The following COLQ variants were observed in gnomAD, a reference collection of about 807,000 sequenced individuals.
COLQ encodes the protein collagen like tail subunit of asymmetric acetylcholinesterase, also known as acetylcholinesterase collagenic tail peptide.
COLQ carries 48 observed loss-of-function variants against 69.0 expected under a neutral mutation model. The ratio of observed to expected loss-of-function variants is 0.70; its 90% CI spans 0.55 to 0.88. The LOEUF (loss-of-function observed/expected upper bound fraction) is 0.88. Ranked by LOEUF, COLQ falls within the 40% of genes least tolerant of loss-of-function variation. COLQ has a pLI of 0.00. For synonymous variants in COLQ, 217 were observed against 211.2 expected, an observed-to-expected ratio of 1.03 and a Z score of -0.24; for missense variants, 618 against 594.6, an observed-to-expected ratio of 1.04 and a Z score of -0.41.
At chr3:15,510,102 G>A (rs188282752) in intron 1 of COLQ, among the ~76,000 whole-genome samples, 7 of 152,218 alleles carry the variant, frequency 4.6e-5, no homozygotes, top group Non-Finnish European at 8.8e-5. Context: ...CGTGAGCCCC[G>A]GAGGCAGAGC....
intron 10 of COLQ, among the ~76,000 whole-genome samples, chr3:15,472,455 T>C (rs2062303732): frequency 6.6e-6 from 1 of 152,238 alleles, no homozygotes; most frequent in Non-Finnish European, 1.5e-5. Context: ...AGATAAAAAT[T>C]GTTTTAGTTT....
chr3:15,463,040 G>A (rs958775104), intron 12 of COLQ, among the ~76,000 whole-genome samples: 3 of 152,080 alleles, frequency 2.0e-5, no homozygotes, highest in South Asian at 4.1e-4. Flanking sequence ...ATGACTCTGC[G>A]GGGCCTGCTA....
chr3:15,477,423 G>C, intron 5 of COLQ: 5 of 557,054 alleles, frequency 9.0e-6, no homozygotes, highest in Non-Finnish European at 1.3e-5. Context: ...TGGTGAGAAA[G>C]GGACTCTAAA....
At chr3:15,456,707 C>T in intron 13 of COLQ, 128 bp from the exon 14 acceptor site, 1 of 1,198,204 alleles carries the variant, frequency 8.3e-7, no homozygotes, top group Non-Finnish European at 1.2e-6. Flanking sequence ...TTGCACACTA[C>T]ACTCTAGCAT....
At position 15,473,581 on chromosome 3, in the gene COLQ, CA is replaced by C. The variant is rs2062326955; in HGVS notation, c.636+418del. The stretch of plus-strand genomic sequence containing the variant: ...CTTGAAGAAGGACTGCAATAAGGCA[CA>C]GTGACCTTAAGCTAAAGACACCTGT... On this transcript the variant is annotated intron_variant, in intron 10 of 16. Coordinates refer to ENST00000383788, the MANE Select transcript of COLQ (RefSeq NM_005677.4). This position sits in a 1 kb window ranked among gnomAD's most constrained non-coding sequence, Gnocchi z 4.0. Among the ~76,000 whole-genome samples, 1 of 152,190 alleles carries C rather than the reference CA, an allele frequency of 6.6e-6. No individual in the cohort carries two copies. The highest frequency in any genetic ancestry group is 2.4e-5 in the African/African-American group (1 of 41,444).
intron 6 of COLQ, among the ~76,000 whole-genome samples, chr3:15,476,483 G>A (rs931429248): frequency 6.6e-6 from 1 of 152,164 alleles, no homozygotes; most frequent in African/African-American, 2.4e-5. Context: ...TAAGAGGACT[G>A]GACACACAGT....
At chr3:15,479,255 A>G (rs1265655110) in intron 4 of COLQ, 83 bp downstream of exon 4, 16 of 1,458,164 alleles carry the variant, frequency 1.1e-5, no homozygotes, top group Non-Finnish European at 1.4e-5. Flanking sequence ...GGAAATCTCA[A>G]CTAGGAAATT....
In COLQ at chr3:15,453,933, T is replaced by A; in HGVS notation, c.1196-2A>T. On this transcript the variant is annotated splice_acceptor_variant, in intron 15 of 16. Coordinates refer to ENST00000383788, the MANE Select transcript of COLQ (RefSeq NM_005677.4). LOFTEE classifies it high-confidence loss of function. ...CTCCACAGTAGGCACGGTGACAGCC[T>A]GAGGGGACATAAGGAGGTGCAGTCT... is the stretch of plus-strand genomic sequence containing the variant. The A allele has an allele frequency of 6.2e-7, 1 of 1,600,452 alleles. No individual in the cohort carries two copies. The highest frequency in any genetic ancestry group is 8.5e-7 in the Non-Finnish European group (1 of 1,172,104).
chr3:15,474,949 G>A lies in COLQ; in HGVS notation c.531C>T (p.Gly177=). ...PGSRGPMGSK[G]YPGSRGEKGS... ...CCTTTTCCCCTCTGGATCCAGGGTA[G>A]CCCTAAAAGAAAGCAGAAGGTACAT... is the stretch of plus-strand genomic sequence containing the variant. Residue 177 remains glycine, a splice_region_variant and synonymous_variant, in exon 8 of 17, where the codon GGC becomes GGT. Coordinates refer to ENST00000383788, the MANE Select transcript of COLQ (RefSeq NM_005677.4). The A allele has an allele frequency of 1.2e-6, 2 of 1,614,110 alleles. No homozygotes were observed. The highest frequency in any genetic ancestry group is 1.7e-6 in the Non-Finnish European group (2 of 1,179,974).
At chr3:15,492,639 C>T (rs1270824810) in intron 1 of COLQ, among the ~76,000 whole-genome samples, 1 of 151,384 alleles carries the variant, frequency 6.6e-6, no homozygotes, top group Non-Finnish European at 1.5e-5. Context: ...TGCACTCCAG[C>T]CTGAGCGACA....
chr3:15,489,654 G>A lies in COLQ; in HGVS notation c.107-17C>T, dbSNP rs1161255656. 5 of 1,611,538 alleles carry A rather than the reference G, an allele frequency of 3.1e-6. No homozygotes were observed. In the East Asian group the frequency reaches 1.1e-4, roughly 36 times the overall value. ...TGGGAAGGGCTGTTCAGAGAAAACT[G>A]CCGCTCGTTAGCATGTGGTCAGTGC... On this transcript the variant is annotated splice_polypyrimidine_tract_variant and intron_variant, in intron 1 of 16. Coordinates refer to ENST00000383788, the MANE Select transcript of COLQ (RefSeq NM_005677.4).
chr3:15,456,805 G>A (rs1226627955), intron 13 of COLQ, among the ~76,000 whole-genome samples: 2 of 147,564 alleles, frequency 1.4e-5, no homozygotes. Context: ...ATATTCACTC[G>A]GATTTAACTT....
At chr3:15,517,106 G>A (rs1559535016) in intron 1 of COLQ, among the ~76,000 whole-genome samples, 1 of 152,130 alleles carries the variant, frequency 6.6e-6, no homozygotes, top group African/African-American at 2.4e-5. Context: ...TCGCACCACT[G>A]CACTCCAGCC....
chr3:15,453,051 G>C (rs1376264886), intron 16 of COLQ, among the ~76,000 whole-genome samples: 1 of 152,176 alleles, frequency 6.6e-6, no homozygotes, highest in Non-Finnish European at 1.5e-5. Context: ...AGGTAAAAAG[G>C]AACGGCCTCC....
At position 15,488,251 on chromosome 3, in the gene COLQ, C is replaced by G; in HGVS notation, c.276G>C (p.Pro92=). The G allele has an allele frequency of 6.2e-7, 1 of 1,613,504 alleles. No individual in the cohort carries two copies. Residue 92 remains proline, a synonymous_variant, in exon 3 of 17, where the codon CCG becomes CCC. Transcript: ENST00000383788. The part of the protein sequence containing the change: ...LMLELETSQS[P]CMQGSLGSPG... Reference sequence around the variant, plus strand: ...GGGAGCCTAGCGAGCCTTGCATGCACGGGGACTGCGAGGTCTCCAGTTCCA... The same window carrying G: ...GGGAGCCTAGCGAGCCTTGCATGCAGGGGGACTGCGAGGTCTCCAGTTCCA...
intron 1 of COLQ, among the ~76,000 whole-genome samples, chr3:15,511,770 G>A (rs1199943403): frequency 3.9e-5 from 6 of 152,122 alleles, no homozygotes; most frequent in African/African-American, 1.4e-4. Context: ...AGAGAATCTG[G>A]AAACCTTTTG....
intron 3 of COLQ, among the ~76,000 whole-genome samples, chr3:15,485,639 C>A (rs950637831): frequency 6.6e-6 from 1 of 152,164 alleles, no homozygotes; most frequent in Admixed American, 6.5e-5. Context: ...ATCCCAAAGC[C>A]CAGGCCCCAA....
rs143712288 is a variant in COLQ, at chr3:15,483,819, A to T, written c.321+4387T>A. ...TCTAATGTTGACAGTGGGGTGTTGA[A>T]GTCTCCCATTATTATTGGGTGGGAG... On this transcript the variant is annotated intron_variant, in intron 3 of 16. Coordinates refer to ENST00000383788, the MANE Select transcript of COLQ (RefSeq NM_005677.4). 4.1e-4 allele frequency among the ~76,000 whole-genome samples: 63 copies of T among 152,254 alleles called. 2 individuals carry two copies. The East Asian group carries it at 9.3e-3, about 22-fold the overall frequency.
At position 15,460,713 on chromosome 3, in the gene COLQ, C is replaced by T. The variant is rs112014638; in HGVS notation, c.815-2388G>A. Among the ~76,000 whole-genome samples, 702 of 152,268 alleles carry T rather than the reference C, an allele frequency of 4.6e-3. 8 individuals carry two copies. The highest frequency in any genetic ancestry group is 0.016 in the African/African-American group (655 of 41,546). ...TTATCCTAAGTTATGGTTGTTTGTT[C>T]TAACAAGAAATACAAATATAATTCT... On this transcript the variant is annotated intron_variant, in intron 12 of 16. Transcript: ENST00000383788.
Sources: allele counts gnomAD v4.1 joint callset (sites outside exome capture counted in the v4.1 genomes callset), GRCh38; gene constraint gnomAD v4.1.1; non-coding constraint Gnocchi (gnomAD v3.1); transcripts MANE v1.5; gene names NCBI Gene and HGNC (gene_info 2026-07-23, HGNC 2026-07-21).